The following MYO5B variants were observed in gnomAD, a reference collection of about 807,000 sequenced individuals.
The protein encoded by MYO5B is myosin VB.
In MYO5B, 143 loss-of-function variants were observed where a neutral mutation model predicts 229.3. The observed-to-expected ratio is 0.62, with a 90% confidence interval of 0.54 to 0.72. The LOEUF (loss-of-function observed/expected upper bound fraction) is 0.72. Among genes scored for constraint, MYO5B ranks in the 30% least tolerant of loss-of-function variants. MYO5B has a pLI of 0.00. For missense variants in MYO5B, 2,321 were observed against 2,331.0 expected (o/e 1.00, Z 0.09); for synonymous variants, 918 against 885.2 (o/e 1.04, Z -0.66).
At chr18:49,897,583 G>GA (rs1169529488) in intron 21 of MYO5B, among the ~76,000 whole-genome samples, 2 of 152,028 alleles carry the variant, frequency 1.3e-5, no homozygotes, top group African/African-American at 2.4e-5. Context: ...TTTAAAAATA[G>GA]AAAAAAGCTT....
intron 14 of MYO5B, among the ~76,000 whole-genome samples, chr18:49,952,974 T>TC (rs1452643548): frequency 6.6e-6 from 1 of 151,858 alleles, no homozygotes; most frequent in African/African-American, 2.4e-5. Context: ...TGCTCCCCTA[T>TC]CCCCTCCATT....
At chr18:50,185,060 C>T (rs1262817529) in intron 1 of MYO5B, among the ~76,000 whole-genome samples, 2 of 151,862 alleles carry the variant, frequency 1.3e-5, no homozygotes, top group African/African-American at 4.8e-5. Context: ...GCCTGGGTGA[C>T]AGAATGAGAC....
chr18:49,977,420 T>C (rs2025763748), intron 9 of MYO5B, among the ~76,000 whole-genome samples: 3 of 152,116 alleles, frequency 2.0e-5, no homozygotes, highest in Admixed American at 2.0e-4. Flanking sequence ...GCACACTGCG[T>C]ATGGAAAGAC....
intron 1 of MYO5B, among the ~76,000 whole-genome samples, chr18:50,085,856 A>T (rs150676591): frequency 0.01 from 1,539 of 151,472 alleles, 21 homozygotes; most frequent in African/African-American, 0.035. Flanking sequence ...ATAGGTGGGA[A>T]TTGAACAATG....
intron 1 of MYO5B, among the ~76,000 whole-genome samples, chr18:50,146,950 T>C (rs1000255948): frequency 1.3e-5 from 2 of 152,142 alleles, no homozygotes; most frequent in Non-Finnish European, 2.9e-5. Flanking sequence ...CAGAGTATTT[T>C]TCACTGCCCT....
At chr18:49,966,148 C>T (rs186657862) in intron 10 of MYO5B, among the ~76,000 whole-genome samples, 273 of 152,198 alleles carry the variant, frequency 1.8e-3, no homozygotes, top group African/African-American at 6.4e-3. Flanking sequence ...CCAAAGGGGC[C>T]GGGCCGGTGC....
Position 49,929,535 on chromosome 18 carries a change from G to C in MYO5B, c.2067C>G (p.Ile689Met). 6.2e-7 allele frequency: 1 copy of C among 1,607,180 alleles called. No homozygotes were observed. The highest frequency in any genetic ancestry group is 8.5e-7 in the Non-Finnish European group (1 of 1,178,504). The change falls in exon 17 of 40, where the codon ATC becomes ATG. Residue 689 changes from isoleucine to methionine, a missense_variant. Physicochemically the swap from Ile to Met is conservative, Grantham distance 10. This residue lies in a region of MYO5B where 2,113 missense variants were observed against 2,044.7 expected (regional missense o/e 1.03). Coordinates refer to ENST00000285039, the MANE Select transcript of MYO5B (RefSeq NM_001080467.3). Reference protein sequence around the residue: ...RACGVLETIRISAAGYPSRWA... With the variant: ...RACGVLETIRMSAAGYPSRWA... Reference sequence around the variant, plus strand: ...ACCTGGATGGGTAGCCAGCTGCACTGATTCGAATCGTCTCCAACACCCCGC... The same window carrying C: ...ACCTGGATGGGTAGCCAGCTGCACTCATTCGAATCGTCTCCAACACCCCGC...
intron 1 of MYO5B, among the ~76,000 whole-genome samples, chr18:50,135,691 A>G (rs1286509361): frequency 6.6e-6 from 1 of 152,242 alleles, no homozygotes; most frequent in African/African-American, 2.4e-5. Flanking sequence ...GTTAAAGACA[A>G]TTGAGATTCC....
At chr18:50,084,287 G>A (rs1428160740) in intron 1 of MYO5B, among the ~76,000 whole-genome samples, 1 of 152,048 alleles carries the variant, frequency 6.6e-6, no homozygotes, top group Admixed American at 6.6e-5. Context: ...ACTCAGTTTT[G>A]TTTTTCTAAA....
intron 5 of MYO5B, among the ~76,000 whole-genome samples, chr18:49,994,947 G>A (rs2025971426): frequency 6.6e-6 from 1 of 152,146 alleles, no homozygotes; most frequent in Admixed American, 6.5e-5. Flanking sequence ...ATGCTGCCAA[G>A]AACCCTACAA....
At chr18:50,065,803 C>T (rs977062852) in intron 1 of MYO5B, among the ~76,000 whole-genome samples, 3 of 152,140 alleles carry the variant, frequency 2.0e-5, no homozygotes, top group African/African-American at 7.2e-5. Context: ...CGGGAAAGGC[C>T]TCACTGGAGA....
intron 5 of MYO5B, among the ~76,000 whole-genome samples, chr18:49,997,267 T>TAAAAAAA (rs58927375): frequency 3.0e-5 from 3 of 101,202 alleles, no homozygotes; most frequent in Admixed American, 1.1e-4. Flanking sequence ...GTCCTGTCTT[T>TAAAAAAA]AAAAAAAAAA....
At chr18:50,079,249 G>C (rs1484513498) in intron 1 of MYO5B, among the ~76,000 whole-genome samples, 3 of 152,236 alleles carry the variant, frequency 2.0e-5, no homozygotes, top group African/African-American at 7.2e-5. Flanking sequence ...AAGAAAGTTA[G>C]AGAATTTTCC....
chr18:49,913,035 C>A (rs2144163217), intron 17 of MYO5B, among the ~76,000 whole-genome samples: 1 of 152,282 alleles, frequency 6.6e-6, no homozygotes, highest in South Asian at 2.1e-4. Context: ...CCATTTTTCT[C>A]CCCAAAGTAG....
intron 1 of MYO5B, among the ~76,000 whole-genome samples, chr18:50,178,651 T>C (rs938084110): frequency 2.0e-5 from 3 of 152,242 alleles, no homozygotes; most frequent in Admixed American, 6.5e-5. Context: ...AGATACAGGC[T>C]ACCATTCCAG....
intron 16 of MYO5B, among the ~76,000 whole-genome samples, chr18:49,930,821 G>C (rs1483214140): frequency 3.3e-5 from 5 of 151,596 alleles, no homozygotes; most frequent in Admixed American, 1.3e-4. Context: ...GAATCCGGGA[G>C]GCAGAGGTTG....
intron 1 of MYO5B, among the ~76,000 whole-genome samples, chr18:50,146,615 A>G (rs2032506930): frequency 6.6e-6 from 1 of 152,174 alleles, no homozygotes; most frequent in African/African-American, 2.4e-5. Context: ...CCTCCAAACA[A>G]GCTAGTCCTT....
At chr18:50,067,328 C>G (rs1238847301) in intron 1 of MYO5B, among the ~76,000 whole-genome samples, 1 of 152,102 alleles carries the variant, frequency 6.6e-6, no homozygotes, top group Non-Finnish European at 1.5e-5. Flanking sequence ...TATGGCTGGA[C>G]CCAAGGATTA....
chr18:50,003,507 T>A lies in MYO5B; in HGVS notation c.456-2096A>T, dbSNP rs1453732365. On this transcript the variant is annotated intron_variant, in intron 4 of 39. Transcript: ENST00000285039. ...TCTTCTCATTTAATTTTATAACATA[T>A]CCCTAAACCTAGAGGATAATGACAG... Among the ~76,000 whole-genome samples the A allele has an allele frequency of 2.6e-5, 4 of 152,160 alleles. No homozygotes were observed. The East Asian group carries it at 5.8e-4, about 22-fold the overall frequency.
Sources: gnomAD v4.1 joint callset for allele counts (sites outside exome capture counted in the v4.1 genomes callset) on GRCh38, gnomAD v4.1.1 for gene constraint, gnomAD v4.1.1 regional missense constraint, MANE v1.5 for transcripts, NCBI Gene and HGNC (gene_info 2026-07-23, HGNC 2026-07-21) for gene names.